The following AJAP1 variants were observed in gnomAD, a reference collection of about 807,000 sequenced individuals.
The protein encoded by AJAP1 is adherens junction-associated protein 1.
A neutral mutation model predicts 35.0 loss-of-function variants in AJAP1; 5 were observed. The ratio of observed to expected loss-of-function variants is 0.14; its 90% CI spans 0.07 to 0.30. The LOEUF is 0.30. Ranked by LOEUF, AJAP1 falls within the 10% of genes least tolerant of loss-of-function variation. The pLI is 1.00. For synonymous variants in AJAP1, 284 were observed against 249.3 expected (o/e 1.14, Z -1.31); for missense variants, 586 against 571.0 (o/e 1.03, Z -0.27).
rs1435701541 is a variant in AJAP1 at position 4,720,035 on chromosome 1, T to C, written c.829+7336T>C. Among the ~76,000 whole-genome samples, 2 of 152,190 alleles carry C rather than the reference T, an allele frequency of 1.3e-5. No individual in the cohort carries two copies. The highest frequency in any genetic ancestry group is 4.8e-5 in the African/African-American group (2 of 41,452). ...GCCCAGGAGTGGCCTGCATTGTGGATGTCTAGCTTAAAAGGCTGCCCTGTG... is the reference window on the plus strand; with the variant it reads ...GCCCAGGAGTGGCCTGCATTGTGGACGTCTAGCTTAAAAGGCTGCCCTGTG... On this transcript the variant is annotated intron_variant, in intron 2 of 5. Transcript: ENST00000378191. The surrounding 1 kb of genome is among the most constrained non-coding windows in gnomAD (Gnocchi z 4.4).
intron 2 of AJAP1, among the ~76,000 whole-genome samples, chr1:4,737,109 G>A (rs967837481): frequency 7.2e-5 from 11 of 152,206 alleles, no homozygotes; most frequent in Non-Finnish European, 5.9e-5. Flanking sequence ...TTGCAGCATC[G>A]CGAGCAAAGT....
Position 4,720,212 on chromosome 1 carries a change from C to T in AJAP1, c.829+7513C>T, listed in dbSNP as rs775428943. 1.6e-4 allele frequency among the ~76,000 whole-genome samples: 25 copies of T among 152,286 alleles called. No individual in the cohort carries two copies. The highest frequency in any genetic ancestry group is 2.8e-4 in the Non-Finnish European group (19 of 68,032). ...GAACGAGTAATGGACCCATGTGCCACGTGGTTAGACATGAAGACAGGCTTC... is the reference window on the plus strand; with the variant it reads ...GAACGAGTAATGGACCCATGTGCCATGTGGTTAGACATGAAGACAGGCTTC... On this transcript the variant is annotated intron_variant, in intron 2 of 5. Coordinates refer to ENST00000378191, the MANE Select transcript of AJAP1 (RefSeq NM_018836.4). This position sits in a 1 kb window ranked among gnomAD's most constrained non-coding sequence, Gnocchi z 4.4.
chr1:4,718,301 C>G (rs1486709411), intron 2 of AJAP1, among the ~76,000 whole-genome samples: 5 of 152,150 alleles, frequency 3.3e-5, no homozygotes, highest in Non-Finnish European at 5.9e-5. Flanking sequence ...CTTCTGGACA[C>G]GACTGTGTTG....
At chr1:4,696,156 G>T (rs573448329) in intron 1 of AJAP1, among the ~76,000 whole-genome samples, 6 of 150,878 alleles carry the variant, frequency 4.0e-5, no homozygotes, top group Non-Finnish European at 8.9e-5. Flanking sequence ...TGGGTTGAGG[G>T]GGGGAGCAGG....
chr1:4,679,804 A>G (rs1215033962), intron 1 of AJAP1, among the ~76,000 whole-genome samples: 1 of 118,506 alleles, frequency 8.4e-6, no homozygotes, highest in African/African-American at 3.2e-5. Context: ...AACAGAACCA[A>G]TAGGGTGTGT....
chr1:4,670,328 T>G (rs1639224672), intron 1 of AJAP1, among the ~76,000 whole-genome samples: 1 of 152,246 alleles, frequency 6.6e-6, no homozygotes, highest in South Asian at 2.1e-4. Context: ...TGAACCATTT[T>G]GGGAGTGGAT....
At chr1:4,664,765 C>T (rs1639079577) in intron 1 of AJAP1, among the ~76,000 whole-genome samples, 1 of 152,148 alleles carries the variant, frequency 6.6e-6, no homozygotes, top group South Asian at 2.1e-4. Flanking sequence ...AGGCTGACTA[C>T]AGCCCTGATC....
At chr1:4,688,484 C>T (rs1258572089) in intron 1 of AJAP1, among the ~76,000 whole-genome samples, 1 of 152,094 alleles carries the variant, frequency 6.6e-6, no homozygotes, top group African/African-American at 2.4e-5. Context: ...AGAAAGGATC[C>T]TGATGGGGCC....
intron 4 of AJAP1, among the ~76,000 whole-genome samples, chr1:4,773,137 G>A (rs1221235483): frequency 6.6e-6 from 1 of 152,074 alleles, no homozygotes; most frequent in African/African-American, 2.4e-5. Flanking sequence ...GTATCAATAA[G>A]CTTTTTTTTT....
chr1:4,710,219 C>T (rs370443821), intron 1 of AJAP1, among the ~76,000 whole-genome samples: 27 of 152,110 alleles, frequency 1.8e-4, no homozygotes, highest in African/African-American at 6.0e-4. Context: ...CTGACACACA[C>T]GAGCATAGAT....
intron 1 of AJAP1, among the ~76,000 whole-genome samples, chr1:4,704,933 T>G (rs1570133367): frequency 6.6e-6 from 1 of 152,248 alleles, no homozygotes; most frequent in Non-Finnish European, 1.5e-5. Context: ...GTTCATGTGT[T>G]TTTTGGCTGC....
chr1:4,669,841 C>T (rs1476534959), intron 1 of AJAP1, among the ~76,000 whole-genome samples: 3 of 152,150 alleles, frequency 2.0e-5, no homozygotes, highest in African/African-American at 7.2e-5. Flanking sequence ...GTTGTTTCCA[C>T]CTTTTGGCTG....
intron 3 of AJAP1, among the ~76,000 whole-genome samples, chr1:4,770,398 C>A (rs1014380150): frequency 1.3e-5 from 2 of 152,194 alleles, no homozygotes; most frequent in Non-Finnish European, 2.9e-5. Flanking sequence ...CCTCTCAAAG[C>A]CACTCTGTGT....
chr1:4,763,820 C>G (rs1227585185), intron 2 of AJAP1, among the ~76,000 whole-genome samples: 1 of 146,620 alleles, frequency 6.8e-6, no homozygotes, highest in Non-Finnish European at 1.5e-5. Flanking sequence ...CCCTCTCCCC[C>G]TCCCCCTCTC....
At chr1:4,741,160 G>T (rs1641060734) in intron 2 of AJAP1, among the ~76,000 whole-genome samples, 1 of 152,124 alleles carries the variant, frequency 6.6e-6, no homozygotes, top group South Asian at 2.1e-4. Flanking sequence ...GTTTCTCTCT[G>T]GGAGAAGGAG....
intron 1 of AJAP1, among the ~76,000 whole-genome samples, chr1:4,696,844 CTGTA>C (rs747590276): frequency 5.9e-5 from 9 of 152,144 alleles, no homozygotes; most frequent in African/African-American, 9.7e-5. Context: ...CATGTTTTCT[CTGTA>C]TGCACACAAG....
chr1:4,671,989 G>C (rs1246114018), intron 1 of AJAP1, among the ~76,000 whole-genome samples: 1 of 152,198 alleles, frequency 6.6e-6, no homozygotes, highest in Non-Finnish European at 1.5e-5. Flanking sequence ...GGGCCCTGCA[G>C]ACCCTCACCC....
At chr1:4,738,583 G>A (rs1236715666) in intron 2 of AJAP1, among the ~76,000 whole-genome samples, 1 of 152,162 alleles carries the variant, frequency 6.6e-6, no homozygotes, top group African/African-American at 2.4e-5. Context: ...GTAAGGAGAG[G>A]GGGTGGGAGC....
intron 2 of AJAP1, among the ~76,000 whole-genome samples, chr1:4,735,151 A>G (rs1439132473): frequency 6.6e-6 from 1 of 152,260 alleles, no homozygotes; most frequent in African/African-American, 2.4e-5. Context: ...GCACACCCTT[A>G]CAAAAGCCTG....
Sources: gnomAD v4.1 joint callset for allele counts (sites outside exome capture counted in the v4.1 genomes callset) on GRCh38, gnomAD v4.1.1 for gene constraint, Gnocchi (gnomAD v3.1) non-coding constraint, MANE v1.5 for transcripts, NCBI Gene and HGNC (gene_info 2026-07-23, HGNC 2026-07-21) for gene names.